ANKS1B: variants seen among roughly 807,000 people sequenced by gnomAD.
The protein encoded by ANKS1B is ankyrin repeat and sterile alpha motif domain-containing protein 1B.
In ANKS1B, 36 loss-of-function variants were observed where a neutral mutation model predicts 148.3. That is an observed-to-expected ratio of 0.24 (90% confidence interval 0.19 to 0.32). The LOEUF (loss-of-function observed/expected upper bound fraction) is 0.32, where lower values mean the gene tolerates loss of function less well. ANKS1B is among the 10% of genes least tolerant of loss of function. The pLI is 1.00. For synonymous variants in ANKS1B, 542 were observed against 560.8 expected, an observed-to-expected ratio of 0.97 and a Z score of 0.47; for missense variants, 1,157 against 1,542.6, an observed-to-expected ratio of 0.75 and a Z score of 4.19.
intron 12 of ANKS1B, among the ~76,000 whole-genome samples, chr12:99,269,805 C>T (rs1176583293): frequency 6.6e-6 from 1 of 152,096 alleles, no homozygotes; most frequent in Non-Finnish European, 1.5e-5. Context: ...GTGATCTGCC[C>T]GCCTCCACCT....
At position 99,775,587 on chromosome 12, in the gene ANKS1B, T is replaced by C; in HGVS notation, c.922A>G (p.Ile308Val). Residue 308 changes from isoleucine to valine, a missense_variant, in exon 7 of 27, where the codon ATT (isoleucine) becomes GTT (valine). Around this residue, in one of 6 missense-constraint regions of ANKS1B, gnomAD observed 661 missense variants for 642.1 expected, o/e 1.03. Transcript: ENST00000683438. ...VQEDATQETHISSPVESPSQK... is the reference protein window; with the variant it reads ...VQEDATQETHVSSPVESPSQK... ...GAAGGAGACTCAACAGGAGATGAAATGTGTGTTTCTTGTGTTGCATCTTCC... is the reference window on the plus strand; with the variant it reads ...GAAGGAGACTCAACAGGAGATGAAACGTGTGTTTCTTGTGTTGCATCTTCC... 4 of 1,613,410 alleles carry C rather than the reference T, an allele frequency of 2.5e-6. No homozygotes were observed. The highest frequency in any genetic ancestry group is 3.4e-6 in the Non-Finnish European group (4 of 1,179,522).
At chr12:99,360,211 T>C (rs1184450482) in intron 12 of ANKS1B, among the ~76,000 whole-genome samples, 2 of 152,150 alleles carry the variant, frequency 1.3e-5, no homozygotes, top group Admixed American at 1.3e-4. Flanking sequence ...TCTTTGTCAC[T>C]AACAGAATCT....
chr12:99,461,263 T>C (rs2095961710), intron 10 of ANKS1B, among the ~76,000 whole-genome samples: 1 of 152,056 alleles, frequency 6.6e-6, no homozygotes. Flanking sequence ...CAATGGACTT[T>C]GGAGACTCAG....
intron 14 of ANKS1B, among the ~76,000 whole-genome samples, chr12:99,239,731 T>C (rs2088855318): frequency 6.6e-6 from 1 of 152,086 alleles, no homozygotes; most frequent in Non-Finnish European, 1.5e-5. Flanking sequence ...GGCAGAAACA[T>C]TACAAGCAAG....
rs139723724 is a variant in ANKS1B, at chr12:99,470,181, A to T, written c.1439-26372T>A. On this transcript the variant is annotated intron_variant, in intron 10 of 26. Coordinates refer to ENST00000683438, the MANE Select transcript of ANKS1B (RefSeq NM_001352186.2). ...AAAGAAATATTAATAAAATTTCCTA[A>T]ATTGGAGACATGCACTCATTATCCA... 5.3e-5 allele frequency among the ~76,000 whole-genome samples: 8 copies of T among 152,114 alleles called. No individual in the cohort carries two copies. The East Asian group carries it at 1.5e-3, about 29-fold the overall frequency.
chr12:98,798,123 A>ATTT (rs10714780), intron 22 of ANKS1B, among the ~76,000 whole-genome samples: 6 of 143,012 alleles, frequency 4.2e-5, no homozygotes, highest in East Asian at 4.1e-4. Flanking sequence ...TGGAATTGCC[A>ATTT]TTTTTTTTTT....
At chr12:99,207,586 T>A (rs1216723176) in intron 14 of ANKS1B, among the ~76,000 whole-genome samples, 1 of 152,104 alleles carries the variant, frequency 6.6e-6, no homozygotes, top group Admixed American at 6.6e-5. Flanking sequence ...ATTCCTAAAA[T>A]GTTTTTGACA....
chr12:99,570,342 A>AG (rs1567375745), intron 9 of ANKS1B, among the ~76,000 whole-genome samples: 1 of 59,804 alleles, frequency 1.7e-5, no homozygotes, highest in Non-Finnish European at 4.2e-5. Flanking sequence ...TACTCCAGAT[A>AG]AAAAAAAAAA....
At chr12:99,080,939 T>C (rs768023387) in intron 16 of ANKS1B, among the ~76,000 whole-genome samples, 6 of 152,112 alleles carry the variant, frequency 3.9e-5, no homozygotes, top group Non-Finnish European at 7.4e-5. Context: ...CAGGAAAGCT[T>C]TTAGAGCTGA....
At chr12:99,609,597 C>T (rs980306945) in intron 9 of ANKS1B, among the ~76,000 whole-genome samples, 3 of 151,644 alleles carry the variant, frequency 2.0e-5, no homozygotes, top group Non-Finnish European at 4.4e-5. Context: ...AGAGAGCATT[C>T]AGGGACCTCA....
intron 17 of ANKS1B, among the ~76,000 whole-genome samples, chr12:98,906,908 T>C (rs1437000616): frequency 1.3e-5 from 2 of 152,204 alleles, no homozygotes; most frequent in Non-Finnish European, 2.9e-5. Context: ...CCTGTATGTA[T>C]TCAAGGTGTA....
intron 16 of ANKS1B, among the ~76,000 whole-genome samples, chr12:99,057,636 T>G (rs2040694753): frequency 1.3e-5 from 2 of 152,342 alleles, no homozygotes; most frequent in South Asian, 2.1e-4. Context: ...ATTATGCCCC[T>G]GTGCCCTTTG....
chr12:98,832,349 G>A (rs2099325414), intron 17 of ANKS1B, among the ~76,000 whole-genome samples: 1 of 152,108 alleles, frequency 6.6e-6, no homozygotes, highest in Admixed American at 6.6e-5. Context: ...AAAGAGAAGG[G>A]AGGATGGTTC....
At position 99,128,094 on chromosome 12, in the gene ANKS1B, C is replaced by T. The variant is rs189833296; in HGVS notation, c.2526+26195G>A. ...TATCTGTAAAATAAATACTTATAAT[C>T]GTTTCAAGAAAGTTTATTGACTAGA... On this transcript the variant is annotated intron_variant, in intron 15 of 26. Transcript: ENST00000683438. Among the ~76,000 whole-genome samples, 5 of 152,196 alleles carry T rather than the reference C, an allele frequency of 3.3e-5. No individual in the cohort carries two copies. The South Asian group carries it at 6.2e-4, about 19-fold the overall frequency.
chr12:99,348,146 A>C (rs1234394812), intron 12 of ANKS1B, among the ~76,000 whole-genome samples: 2 of 151,966 alleles, frequency 1.3e-5, no homozygotes, highest in African/African-American at 2.4e-5. Flanking sequence ...ATCCATTCTA[A>C]AGAACAGAAA....
intron 12 of ANKS1B, among the ~76,000 whole-genome samples, chr12:99,295,627 G>C (rs2080760710): frequency 6.6e-6 from 1 of 152,152 alleles, no homozygotes; most frequent in South Asian, 2.1e-4. Flanking sequence ...TTTATTTTAA[G>C]TCCAGGGGTA....
intron 16 of ANKS1B, among the ~76,000 whole-genome samples, chr12:99,055,427 G>A (rs1463885199): frequency 1.3e-5 from 2 of 152,150 alleles, no homozygotes; most frequent in African/African-American, 4.8e-5. Flanking sequence ...ACTGGATTTG[G>A]GTCAAAGTCA....
chr12:98,854,439 T>C (rs1305552350), intron 17 of ANKS1B, among the ~76,000 whole-genome samples: 2 of 152,168 alleles, frequency 1.3e-5, no homozygotes, highest in East Asian at 1.9e-4. Flanking sequence ...AAAAATCACA[T>C]AGGACTCATT....
intron 12 of ANKS1B, among the ~76,000 whole-genome samples, chr12:99,299,197 A>G (rs2081286673): frequency 6.6e-6 from 1 of 152,024 alleles, no homozygotes; most frequent in Non-Finnish European, 1.5e-5. Context: ...AGTAGCTGGG[A>G]TTACAGGTGT....
Sources: allele counts gnomAD v4.1 joint callset (sites outside exome capture counted in the v4.1 genomes callset), GRCh38; gene constraint gnomAD v4.1.1; regional missense constraint gnomAD v4.1.1; transcripts MANE v1.5; gene names NCBI Gene and HGNC (gene_info 2026-07-23, HGNC 2026-07-21).